ARMC3: variants seen among roughly 807,000 people sequenced by gnomAD.
ARMC3 encodes armadillo repeat-containing protein 3.
A neutral mutation model predicts 90.3 loss-of-function variants in ARMC3; 74 were observed. The observed-to-expected ratio is 0.82, with a 90% CI of 0.68 to 0.99. The LOEUF (loss-of-function observed/expected upper bound fraction) is 0.99, where lower values mean the gene tolerates loss of function less well. Ranked by LOEUF, ARMC3 falls within the 50% of genes least tolerant of loss-of-function variation. The pLI is 0.00. For synonymous variants in ARMC3, 334 were observed against 361.8 expected (o/e 0.92, Z 0.87); for missense variants, 958 against 1,042.8 (o/e 0.92, Z 1.12).
At chr10:22,962,819 G>C (rs1835258491) in intron 7 of ARMC3, among the ~76,000 whole-genome samples, 1 of 152,162 alleles carries the variant, frequency 6.6e-6, no homozygotes, top group African/African-American at 2.4e-5. Flanking sequence ...AACTCAGTTT[G>C]ATGATACAAC....
At chr10:22,935,850 A>T (rs1834088093) in intron 2 of ARMC3, among the ~76,000 whole-genome samples, 1 of 152,172 alleles carries the variant, frequency 6.6e-6, no homozygotes, top group Non-Finnish European at 1.5e-5. Context: ...ATTTTTCCGG[A>T]TGTCTAGATA....
chr10:23,002,215 A>G (rs1837330897), intron 12 of ARMC3, among the ~76,000 whole-genome samples, 160 bp downstream of exon 12: 1 of 152,196 alleles, frequency 6.6e-6, no homozygotes, highest in African/African-American at 2.4e-5. Context: ...GGAAGGAACC[A>G]CCTGGAGGCA....
chr10:22,958,912 G>A (rs1835070016), intron 4 of ARMC3, among the ~76,000 whole-genome samples, 158 bp from the exon 5 acceptor site: 1 of 151,990 alleles, frequency 6.6e-6, no homozygotes, highest in Non-Finnish European at 1.5e-5. Flanking sequence ...TAGTAGGGTA[G>A]GGGTTTCACC....
At chr10:22,932,492 C>A (rs1030846785) in intron 2 of ARMC3, among the ~76,000 whole-genome samples, 1 of 152,282 alleles carries the variant, frequency 6.6e-6, no homozygotes, top group South Asian at 2.1e-4. Context: ...CCAGTTCTAT[C>A]GAGAGACTAG....
intron 10 of ARMC3, among the ~76,000 whole-genome samples, chr10:22,990,643 G>A (rs762591591): frequency 4.6e-5 from 7 of 152,108 alleles, no homozygotes; most frequent in Non-Finnish European, 7.4e-5. Flanking sequence ...ACCAAGGCCC[G>A]GTGCTTACTC....
chr10:23,013,853 C>T (rs185686613), intron 16 of ARMC3, among the ~76,000 whole-genome samples: 46 of 138,648 alleles, frequency 3.3e-4, no homozygotes, highest in Non-Finnish European at 4.9e-4. Flanking sequence ...TCTGGGACCA[C>T]GCTTTTTTTT....
chr10:22,964,880 G>A (rs1835381980), intron 7 of ARMC3, among the ~76,000 whole-genome samples: 1 of 151,832 alleles, frequency 6.6e-6, no homozygotes, highest in African/African-American at 2.4e-5. Context: ...TAATAGTCTA[G>A]AGTTAATATT....
intron 3 of ARMC3, among the ~76,000 whole-genome samples, chr10:22,954,088 G>A (rs560474088): frequency 1.1e-4 from 17 of 152,194 alleles, no homozygotes; most frequent in Middle Eastern, 3.4e-3. Flanking sequence ...ATCTCATTGC[G>A]GTTTTAATTT....
intron 2 of ARMC3, among the ~76,000 whole-genome samples, chr10:22,944,891 G>C (rs1319370205): frequency 6.6e-6 from 1 of 152,148 alleles, no homozygotes; most frequent in Non-Finnish European, 1.5e-5. Flanking sequence ...CCACCAACCT[G>C]TTGTACACAA....
At chr10:22,971,038 A>G (rs11598621) in intron 8 of ARMC3, among the ~76,000 whole-genome samples, 9,440 of 152,306 alleles carry the variant, frequency 0.062, 412 homozygotes, top group Middle Eastern at 0.12. Context: ...CAATTAAACA[A>G]TCATTCCCAC....
intron 8 of ARMC3, among the ~76,000 whole-genome samples, chr10:22,971,922 T>C (rs891608441): frequency 6.6e-6 from 1 of 152,192 alleles, no homozygotes; most frequent in East Asian, 1.9e-4. Context: ...ATTGTACTTT[T>C]TATTTGCATG....
intron 16 of ARMC3, among the ~76,000 whole-genome samples, chr10:23,025,247 A>G (rs1397899262): frequency 1.3e-5 from 2 of 152,166 alleles, no homozygotes; most frequent in East Asian, 3.8e-4. Context: ...AACAGCAGCA[A>G]CCAACAAGAT....
intron 8 of ARMC3, among the ~76,000 whole-genome samples, chr10:22,978,677 CTA>C (rs1836047607): frequency 6.6e-6 from 1 of 152,156 alleles, no homozygotes; most frequent in Non-Finnish European, 1.5e-5. Flanking sequence ...AATAAGAAAG[CTA>C]TATCCTAATA....
At chr10:22,978,752 C>G (rs1836052035) in intron 8 of ARMC3, among the ~76,000 whole-genome samples, 1 of 152,094 alleles carries the variant, frequency 6.6e-6, no homozygotes, top group South Asian at 2.1e-4. Context: ...TTAGAAAACT[C>G]CATTTATAAG....
At position 22,998,296 on chromosome 10, in the gene ARMC3, C is replaced by G; in HGVS notation, c.1324C>G (p.His442Asp). 1 of 1,612,628 alleles carries G rather than the reference C, an allele frequency of 6.2e-7. No homozygotes were observed. The highest frequency in any genetic ancestry group is 8.5e-7 in the Non-Finnish European group (1 of 1,179,230). The change falls in exon 11 of 19, where the codon CAT becomes GAT. Residue 442 changes from histidine to aspartate, a missense_variant. Transcript: ENST00000298032. ...RLNIQNHDIMHAIISPLRSAN... is the reference protein window; with the variant it reads ...RLNIQNHDIMDAIISPLRSAN... Reference sequence around the variant, plus strand: ...GAACATACAGAATCACGACATCATGCATGCCATCATCAGCCCACTGCGTTC... The same window carrying G: ...GAACATACAGAATCACGACATCATGGATGCCATCATCAGCCCACTGCGTTC...
chr10:23,011,441 A>G (rs2131498522), intron 16 of ARMC3, among the ~76,000 whole-genome samples: 1 of 152,362 alleles, frequency 6.6e-6, no homozygotes, highest in East Asian at 1.9e-4. Context: ...GGTGCCTGGC[A>G]CATGGTAAAC....
chr10:22,929,087 G>A (rs997879579), intron 1 of ARMC3, among the ~76,000 whole-genome samples: 5 of 151,970 alleles, frequency 3.3e-5, no homozygotes, highest in Non-Finnish European at 4.4e-5. Flanking sequence ...TTAGCCGAGC[G>A]TGGTGGCGGG....
chr10:22,981,494 T>A lies in ARMC3; in HGVS notation c.1069+2T>A, dbSNP rs1434080935. On this transcript the variant is annotated splice_donor_variant, in intron 9 of 18. Transcript: ENST00000298032. LOFTEE classifies it high-confidence loss of function. ...GCAAAGATTTTTTCAATAATCAGGG[T>A]AAGTCAACTGGAAACAATTCTTTTG... The A allele has an allele frequency of 6.2e-7, 1 of 1,613,932 alleles. No individual in the cohort carries two copies. Among genetic ancestry groups the A allele is most frequent in the Non-Finnish European group, 8.5e-7 (1 of 1,179,920 alleles).
At chr10:23,034,745 C>G (rs903756758) in intron 18 of ARMC3, among the ~76,000 whole-genome samples, 1 of 152,208 alleles carries the variant, frequency 6.6e-6, no homozygotes, top group African/African-American at 2.4e-5. Flanking sequence ...AATTGGAGAA[C>G]ACCTCCAGGT....
Sources: allele counts gnomAD v4.1 joint callset (sites outside exome capture counted in the v4.1 genomes callset), GRCh38; gene constraint gnomAD v4.1.1; transcripts MANE v1.5; gene names NCBI Gene and HGNC (gene_info 2026-07-23, HGNC 2026-07-21).